Variants in TENM3 observed in about 807,000 individuals in gnomAD.
The protein encoded by TENM3 is teneurin transmembrane protein 3, also known as teneurin-3.
Under a neutral mutation model 255.1 loss-of-function variants are expected in TENM3, and 63 were observed. The ratio of observed to expected loss-of-function variants is 0.25; its 90% CI spans 0.20 to 0.30. The LOEUF is 0.30. Ranked by LOEUF, TENM3 falls within the 10% of genes least tolerant of loss-of-function variation. The pLI, the probability that TENM3 is intolerant of heterozygous loss-of-function variation, is 1.00. For synonymous variants in TENM3, 1,306 were observed against 1,322.3 expected (o/e 0.99, Z 0.27); for missense variants, 2,929 against 3,461.1 (o/e 0.85, Z 3.86).
the TENM3 span, among the ~76,000 whole-genome samples, chr4:181,998,103 TG>T: frequency 6.6e-6 from 1 of 152,332 alleles, no homozygotes; most frequent in East Asian, 1.9e-4. Context: ...TGGTGACTTG[TG>T]AGATATAATG....
At chr4:181,856,346 G>A in the TENM3 span, among the ~76,000 whole-genome samples, 1 of 152,094 alleles carries the variant, frequency 6.6e-6, no homozygotes, top group Non-Finnish European at 1.5e-5. Flanking sequence ...GCAGTCCTCG[G>A]TATTCCCCCC....
chr4:182,753,638 C>G, intron 21 of TENM3, 34 bp downstream of exon 21: 1 of 1,604,920 alleles, frequency 6.2e-7, no homozygotes, highest in South Asian at 1.1e-5. Flanking sequence ...GTTTGTTTTT[C>G]CTCTAGGTGA....
At chr4:181,564,606 T>C in the TENM3 span, among the ~76,000 whole-genome samples, 3 of 152,190 alleles carry the variant, frequency 2.0e-5, no homozygotes, top group South Asian at 2.1e-4. Flanking sequence ...GTGTCTTACA[T>C]GAAAAGGGGT....
At chr4:182,525,003 C>T (rs1462012305) in intron 3 of TENM3, among the ~76,000 whole-genome samples, 2 of 152,098 alleles carry the variant, frequency 1.3e-5, no homozygotes, top group Non-Finnish European at 2.9e-5. Flanking sequence ...GCACTCCAGC[C>T]TTGGCGACAG....
intron 24 of TENM3, among the ~76,000 whole-genome samples, chr4:182,787,065 C>T (rs1765722981): frequency 1.3e-5 from 2 of 152,138 alleles, no homozygotes; most frequent in Admixed American, 6.5e-5. Context: ...TGTAACTAGC[C>T]GGTAGCTTCT....
chr4:181,591,080 T>C, the TENM3 span, among the ~76,000 whole-genome samples: 1 of 152,242 alleles, frequency 6.6e-6, no homozygotes, highest in African/African-American at 2.4e-5. Context: ...TTAATCTGCA[T>C]TGACAAACAT....
the TENM3 span, among the ~76,000 whole-genome samples, chr4:181,722,442 T>A: frequency 6.6e-6 from 1 of 152,170 alleles, no homozygotes; most frequent in African/African-American, 2.4e-5. Context: ...AGTGGGAGGG[T>A]TGGAATTAGA....
chr4:181,702,722 T>C, the TENM3 span, among the ~76,000 whole-genome samples: 4 of 152,208 alleles, frequency 2.6e-5, no homozygotes, highest in Non-Finnish European at 4.4e-5. Flanking sequence ...ATTAACATAA[T>C]TAGTCCTCAT....
At chr4:182,662,148 G>A (rs1754279182) in intron 6 of TENM3, among the ~76,000 whole-genome samples, 2 of 152,152 alleles carry the variant, frequency 1.3e-5, no homozygotes, top group African/African-American at 4.8e-5. Context: ...TCACTCCACT[G>A]ATGTGTTTTC....
At chr4:181,474,713 T>A in the TENM3 span, among the ~76,000 whole-genome samples, 2 of 138,886 alleles carry the variant, frequency 1.4e-5, no homozygotes, top group Non-Finnish European at 1.5e-5. Flanking sequence ...CCAGCCCAGG[T>A]AACAGTGTGA....
At chr4:182,275,456 C>A (rs894384804) in intron 1 of TENM3, among the ~76,000 whole-genome samples, 2 of 152,214 alleles carry the variant, frequency 1.3e-5, no homozygotes, top group African/African-American at 4.8e-5. Flanking sequence ...CACCACCACA[C>A]AGGCATTCCT....
chr4:182,722,452 G>A (rs531990387), intron 13 of TENM3, among the ~76,000 whole-genome samples: 2 of 152,160 alleles, frequency 1.3e-5, no homozygotes, highest in Non-Finnish European at 1.5e-5. Flanking sequence ...CTGGGGATAC[G>A]ATAGTAGGGA....
the TENM3 span, among the ~76,000 whole-genome samples, chr4:181,484,669 T>G: frequency 6.6e-6 from 1 of 152,170 alleles, no homozygotes; most frequent in Non-Finnish European, 1.5e-5. Flanking sequence ...TGTCCTAAAT[T>G]GTGGACTTTA....
the TENM3 span, among the ~76,000 whole-genome samples, chr4:181,770,469 T>A: frequency 6.6e-6 from 1 of 151,668 alleles, no homozygotes; most frequent in African/African-American, 2.4e-5. Flanking sequence ...GGTCAGGAGA[T>A]CAAGACCATC....
the TENM3 span, among the ~76,000 whole-genome samples, chr4:181,796,821 G>C: frequency 6.6e-6 from 1 of 152,098 alleles, no homozygotes; most frequent in South Asian, 2.1e-4. Context: ...CCTTCCAAAG[G>C]GTGGTGTTGC....
At chr4:181,925,033 C>T in the TENM3 span, among the ~76,000 whole-genome samples, 1 of 152,080 alleles carries the variant, frequency 6.6e-6, no homozygotes, top group Non-Finnish European at 1.5e-5. Context: ...TGTGACAGAG[C>T]GTCTTCTATT....
At chr4:182,559,127 A>ATTTTTT (rs70956518) in intron 3 of TENM3, among the ~76,000 whole-genome samples, 2 of 107,478 alleles carry the variant, frequency 1.9e-5, no homozygotes, top group African/African-American at 7.7e-5. Flanking sequence ...ATTCCTCGGG[A>ATTTTTT]TTTTTTTTTT....
the TENM3 span, among the ~76,000 whole-genome samples, chr4:181,971,698 G>A: frequency 1.3e-5 from 2 of 152,090 alleles, no homozygotes; most frequent in South Asian, 2.1e-4. Flanking sequence ...TCTCTAGTAC[G>A]TAGGACCACA....
At chr4:181,724,447 A>G in the TENM3 span, among the ~76,000 whole-genome samples, 2 of 152,148 alleles carry the variant, frequency 1.3e-5, no homozygotes, top group East Asian at 3.9e-4. Flanking sequence ...TTTCTAATAT[A>G]CTATTGAGTT....
Sources: allele counts gnomAD v4.1 joint callset (sites outside exome capture counted in the v4.1 genomes callset), GRCh38; gene constraint gnomAD v4.1.1; transcripts MANE v1.5; gene names NCBI Gene and HGNC (gene_info 2026-07-23, HGNC 2026-07-21).